Variants in PRKN observed in about 807,000 individuals in gnomAD.
PRKN encodes parkin RBR E3 ubiquitin protein ligase, also known as E3 ubiquitin-protein ligase parkin.
Under a neutral mutation model 59.5 loss-of-function variants are expected in PRKN, and 56 were observed. That is an observed-to-expected ratio of 0.94 (90% CI 0.76 to 1.18). The LOEUF (loss-of-function observed/expected upper bound fraction) is 1.18, where lower values mean the gene tolerates loss of function less well. PRKN is among the 50% of genes most tolerant of loss of function. The pLI is 0.00. For missense variants in PRKN, 657 were observed against 596.4 expected (o/e 1.10, Z -1.06); for synonymous variants, 250 against 222.1 (o/e 1.13, Z -1.12).
At chr6:162,252,091 T>C (rs921687410) in intron 3 of PRKN, among the ~76,000 whole-genome samples, 1 of 152,154 alleles carries the variant, frequency 6.6e-6, no homozygotes, top group African/African-American at 2.4e-5. Context: ...CTAGGGCACA[T>C]GAAAAGAACT....
At chr6:161,656,152 T>C (rs1017849527) in intron 7 of PRKN, among the ~76,000 whole-genome samples, 1 of 152,232 alleles carries the variant, frequency 6.6e-6, no homozygotes, top group Non-Finnish European at 1.5e-5. Flanking sequence ...GAAGATGACA[T>C]TCTGAAAGAA....
chr6:161,413,994 T>C lies in PRKN; in HGVS notation c.1084-27117A>G, dbSNP rs999836015. Among the ~76,000 whole-genome samples the C allele has an allele frequency of 6.6e-6, 1 of 152,066 alleles. No individual in the cohort carries two copies. Among genetic ancestry groups the C allele is most frequent in the African/African-American group, 2.4e-5 (1 of 41,384 alleles). On this transcript the variant is annotated intron_variant, in intron 9 of 11. Transcript: ENST00000366898. This position sits in a 1 kb window ranked among gnomAD's most constrained non-coding sequence, Gnocchi z 4.4. ...ATAACTCCAGGAAGGAAGGGGTGCC[T>C]GAGAGAAGCAGCCAGGCAGAGCGGT... is the stretch of plus-strand genomic sequence containing the variant.
chr6:162,290,140 T>G (rs529093230), intron 2 of PRKN, among the ~76,000 whole-genome samples: 39 of 152,266 alleles, frequency 2.6e-4, no homozygotes, highest in African/African-American at 8.4e-4. Flanking sequence ...TTATCCCCAG[T>G]CCACAGACCG....
intron 9 of PRKN, among the ~76,000 whole-genome samples, chr6:161,452,205 C>A (rs995654975): frequency 2.6e-5 from 4 of 152,160 alleles, no homozygotes; most frequent in African/African-American, 7.2e-5. Flanking sequence ...CCCACCTCGG[C>A]CTCCCAAAAT....
chr6:161,664,545 C>T (rs1204291605), intron 7 of PRKN, among the ~76,000 whole-genome samples: 1 of 151,986 alleles, frequency 6.6e-6, no homozygotes, highest in Non-Finnish European at 1.5e-5. Flanking sequence ...GGGAAAAAAT[C>T]CTAGGGTAAA....
chr6:161,798,518 G>A (rs928891328), intron 6 of PRKN, among the ~76,000 whole-genome samples: 4 of 152,186 alleles, frequency 2.6e-5, no homozygotes, highest in African/African-American at 7.2e-5. Context: ...CTTTTTTATC[G>A]AAAGCTTGTA....
intron 1 of PRKN, among the ~76,000 whole-genome samples, chr6:162,725,502 G>A (rs546032182): frequency 2.0e-5 from 3 of 152,310 alleles, no homozygotes; most frequent in Non-Finnish European, 4.4e-5. Flanking sequence ...GTTCATGCCT[G>A]TAATCCCAGC....
intron 1 of PRKN, among the ~76,000 whole-genome samples, chr6:162,597,006 C>A (rs548757476): frequency 3.7e-4 from 56 of 152,268 alleles, no homozygotes; most frequent in Non-Finnish European, 6.6e-4. Flanking sequence ...GGGCTCCTCC[C>A]AAGTCTAAAT....
intron 11 of PRKN, among the ~76,000 whole-genome samples, chr6:161,358,391 T>C (rs1784845589): frequency 6.6e-6 from 1 of 152,106 alleles, no homozygotes; most frequent in Non-Finnish European, 1.5e-5. Context: ...GGCGGGTAGA[T>C]CACCTGAGGT....
At chr6:162,138,441 T>A (rs1781636975) in intron 4 of PRKN, among the ~76,000 whole-genome samples, 2 of 152,120 alleles carry the variant, frequency 1.3e-5, no homozygotes, top group Admixed American at 6.5e-5. Context: ...AAAGACAAAC[T>A]TTTTTTAAAC....
chr6:161,917,097 C>G (rs1017977632), intron 6 of PRKN, among the ~76,000 whole-genome samples: 1 of 152,058 alleles, frequency 6.6e-6, no homozygotes, highest in African/African-American at 2.4e-5. Flanking sequence ...CCACCGCATC[C>G]AGCCTAATTT....
rs114913835 is a variant in PRKN at position 161,712,188 on chromosome 6, G to A, written c.871+73584C>T. On this transcript the variant is annotated intron_variant, in intron 7 of 11. Transcript: ENST00000366898. ...ATATTGAAAGTGGGAAATCACTTGG[G>A]AGAATATTCAAATGTGGGCCTCAAG... Among the ~76,000 whole-genome samples, 213 of 152,276 alleles carry A rather than the reference G, an allele frequency of 1.4e-3. 1 individual carries two copies. Among genetic ancestry groups the A allele is most frequent in the African/African-American group, 5.1e-3 (210 of 41,548 alleles).
chr6:162,552,407 G>A (rs1438770178), intron 1 of PRKN, among the ~76,000 whole-genome samples: 2 of 152,132 alleles, frequency 1.3e-5, no homozygotes, highest in African/African-American at 2.4e-5. Context: ...TTATCGCGGT[G>A]GCAATGGAAG....
At chr6:161,635,807 G>A (rs1783492049) in intron 7 of PRKN, among the ~76,000 whole-genome samples, 1 of 152,198 alleles carries the variant, frequency 6.6e-6, no homozygotes. Context: ...GGAAATCTCA[G>A]AACTTTAAGT....
chr6:162,250,299 G>A (rs913727330), intron 3 of PRKN, among the ~76,000 whole-genome samples: 8 of 152,104 alleles, frequency 5.3e-5, no homozygotes, highest in Admixed American at 2.6e-4. Context: ...TATTGGCAGG[G>A]AGCTGTACCA....
rs1343170486 is a variant in PRKN at position 161,414,003 on chromosome 6, C to T, written c.1084-27126G>A. On this transcript the variant is annotated intron_variant, in intron 9 of 11. Transcript: ENST00000366898. This position sits in a 1 kb window ranked among gnomAD's most constrained non-coding sequence, Gnocchi z 5.3. ...GGAAGGAAGGGGTGCCTGAGAGAAG[C>T]AGCCAGGCAGAGCGGTGGGACGTGA... 6.6e-6 allele frequency among the ~76,000 whole-genome samples: 1 copy of T among 152,248 alleles called. No homozygotes were observed. The highest frequency in any genetic ancestry group is 2.4e-5 in the African/African-American group (1 of 41,542).
At chr6:162,561,467 T>G (rs1032199404) in intron 1 of PRKN, among the ~76,000 whole-genome samples, 18 of 152,010 alleles carry the variant, frequency 1.2e-4, no homozygotes, top group Non-Finnish European at 1.9e-4. Context: ...CTAATCTACA[T>G]AGGAAAAACA....
intron 1 of PRKN, among the ~76,000 whole-genome samples, chr6:162,717,665 T>C (rs1204454199): frequency 6.6e-6 from 1 of 152,028 alleles, no homozygotes. Context: ...GGTAATTCGT[T>C]ACAGCAACAA....
In PRKN at chr6:162,716,000, T is replaced by C. The variant is rs370653857; in HGVS notation, c.7+11662A>G. 3.9e-5 allele frequency among the ~76,000 whole-genome samples: 6 copies of C among 152,368 alleles called. No homozygotes were observed. The South Asian group carries it at 1.2e-3, about 32-fold the overall frequency. On this transcript the variant is annotated intron_variant, in intron 1 of 11. Transcript: ENST00000366898. ...GTACCTCCATGATAACATCTATTAT[T>C]GTCAATGGTTACTTTCCATGTGTAC...
Sources: allele counts gnomAD v4.1 joint callset (sites outside exome capture counted in the v4.1 genomes callset), GRCh38; gene constraint gnomAD v4.1.1; non-coding constraint Gnocchi (gnomAD v3.1); transcripts MANE v1.5; gene names NCBI Gene and HGNC (gene_info 2026-07-23, HGNC 2026-07-21).